DMD: variants seen among roughly 807,000 people sequenced by gnomAD.
DMD encodes the protein dystrophin, also known as mutant dystrophin.
In DMD, 63 loss-of-function variants were observed where a neutral mutation model predicts 330.1. The ratio of observed to expected loss-of-function variants is 0.19; its 90% CI spans 0.16 to 0.24. The LOEUF (loss-of-function observed/expected upper bound fraction) is 0.24, where lower values mean the gene tolerates loss of function less well. DMD is among the 10% of genes least tolerant of loss of function. The pLI is 1.00. For synonymous variants in DMD, 1,223 were observed against 959.8 expected (o/e 1.27, Z -5.07); for missense variants, 3,344 against 2,684.1 (o/e 1.25, Z -5.43).
chrX:32,156,779 C>G (rs999329760), intron 44 of DMD, among the ~76,000 whole-genome samples: 1 of 111,678 alleles, frequency 9.0e-6, no homozygotes, highest in Non-Finnish European at 1.9e-5. Context: ...GAGGACTTCT[C>G]AGTAACCCTA....
At chrX:32,254,848 A>G (rs1339714229) in intron 43 of DMD, among the ~76,000 whole-genome samples, 1 of 111,937 alleles carries the variant, frequency 8.9e-6, no homozygotes, top group Non-Finnish European at 1.9e-5. Flanking sequence ...CTGTGGGAAA[A>G]TATACAAAAT....
At chrX:31,704,440 C>T (rs191873300) in intron 52 of DMD, among the ~76,000 whole-genome samples, 54 of 111,356 alleles carry the variant, frequency 4.8e-4, no homozygotes, top group African/African-American at 1.3e-3. Context: ...GGGAAATTCT[C>T]CTGAAACAGA....
intron 74 of DMD, among the ~76,000 whole-genome samples, chrX:31,160,552 T>A (rs2038684699): frequency 8.9e-6 from 1 of 111,838 alleles, no homozygotes; most frequent in South Asian, 3.8e-4. Flanking sequence ...CCAAAGTGTG[T>A]TCCATATAAC....
At chrX:31,784,480 C>A (rs2091188757) in intron 50 of DMD, among the ~76,000 whole-genome samples, 1 of 111,721 alleles carries the variant, frequency 9.0e-6, no homozygotes, top group Non-Finnish European at 1.9e-5. Context: ...ATAATCCAGT[C>A]CTCAAAAAAT....
intron 7 of DMD, among the ~76,000 whole-genome samples, chrX:32,700,896 A>C (rs2064064049): frequency 8.9e-6 from 1 of 111,950 alleles, no homozygotes; most frequent in Non-Finnish European, 1.9e-5. Flanking sequence ...GTTAGCACAA[A>C]AGCAGGTTGA....
At chrX:32,548,948 T>A (rs2049252211) in intron 16 of DMD, among the ~76,000 whole-genome samples, 2 of 111,848 alleles carry the variant, frequency 1.8e-5, no homozygotes, top group Non-Finnish European at 3.8e-5. Context: ...TTCAACAATC[T>A]TTGTATCTAG....
At chrX:32,097,767 G>A (rs1402219905) in intron 44 of DMD, among the ~76,000 whole-genome samples, 2 of 111,868 alleles carry the variant, frequency 1.8e-5, no homozygotes, top group African/African-American at 6.5e-5. Context: ...AGTCTGTCAC[G>A]TAGGCATTTT....
At chrX:32,758,012 C>G (rs1050762476) in intron 7 of DMD, among the ~76,000 whole-genome samples, 6 of 111,675 alleles carry the variant, frequency 5.4e-5, no homozygotes, top group African/African-American at 1.6e-4. Flanking sequence ...TTTCTGAGGA[C>G]AGTTCTATAA....
At chrX:32,185,684 T>C (rs959013806) in intron 44 of DMD, among the ~76,000 whole-genome samples, 2 of 111,362 alleles carry the variant, frequency 1.8e-5, no homozygotes, top group African/African-American at 3.3e-5. Context: ...AAATCCTTTG[T>C]TCAAAAACGA....
At chrX:31,865,666 G>GCTTCCACACTTT (rs11275348) in intron 48 of DMD, among the ~76,000 whole-genome samples, 4,734 of 108,904 alleles carry the variant, frequency 0.043, 115 homozygotes, top group Non-Finnish European at 0.069. Flanking sequence ...ACCCACGAAA[G>GCTTCCACACTTT]CGTGGAAGCA....
At chrX:33,005,510 A>C (rs1295590751) in intron 2 of DMD, among the ~76,000 whole-genome samples, 1 of 108,727 alleles carries the variant, frequency 9.2e-6, no homozygotes, top group Non-Finnish European at 1.9e-5. Flanking sequence ...GGAAGAAGAC[A>C]GAAAACATGA....
intron 44 of DMD, among the ~76,000 whole-genome samples, chrX:32,215,220 C>A (rs2097108030): frequency 9.0e-6 from 1 of 111,301 alleles, no homozygotes; most frequent in African/African-American, 3.3e-5. Flanking sequence ...ATGAACATAA[C>A]ATCAGTGAGT....
chrX:33,155,635 C>T (rs2048474404), intron 1 of DMD, among the ~76,000 whole-genome samples: 2 of 110,883 alleles, frequency 1.8e-5, no homozygotes, highest in Non-Finnish European at 3.8e-5. Flanking sequence ...AATCCAGATG[C>T]TACCACAGGA....
intron 57 of DMD, among the ~76,000 whole-genome samples, chrX:31,496,388 A>C: frequency 8.9e-6 from 1 of 112,465 alleles, no homozygotes; most frequent in Non-Finnish European, 1.9e-5. Flanking sequence ...TGAAATATTA[A>C]CAATAAAATA....
chrX:31,787,718 G>A (rs887710918), intron 50 of DMD, among the ~76,000 whole-genome samples: 9 of 111,992 alleles, frequency 8.0e-5, no homozygotes, highest in East Asian at 2.8e-4. Flanking sequence ...GAGTTTTAAC[G>A]TTCTGGGTCA....
chrX:33,073,347 T>G (rs12387432), intron 1 of DMD, among the ~76,000 whole-genome samples: 4,296 of 111,997 alleles, frequency 0.038, 200 homozygotes, highest in African/African-American at 0.13. Flanking sequence ...AAAATACATT[T>G]TTCTCTGTCC....
chrX:32,691,556 G>T (rs1318569845), intron 9 of DMD, among the ~76,000 whole-genome samples: 1 of 111,230 alleles, frequency 9.0e-6, no homozygotes, highest in Non-Finnish European at 1.9e-5. Context: ...GTACACCGTT[G>T]GTGAAGTAAA....
At chrX:31,962,979 T>C (rs1267453409) in intron 45 of DMD, among the ~76,000 whole-genome samples, 1 of 112,050 alleles carries the variant, frequency 8.9e-6, no homozygotes, top group Non-Finnish European at 1.9e-5. Flanking sequence ...TCGCTTTTAA[T>C]TTGTAGGAAA....
intron 45 of DMD, among the ~76,000 whole-genome samples, chrX:31,953,924 C>G (rs930700684): frequency 9.0e-6 from 1 of 111,288 alleles, no homozygotes; most frequent in Non-Finnish European, 1.9e-5. Context: ...CATTTAGTTG[C>G]CAGGTTTATG....
Sources: allele counts gnomAD v4.1 joint callset (sites outside exome capture counted in the v4.1 genomes callset), GRCh38; gene constraint gnomAD v4.1.1; transcripts MANE v1.5; gene names NCBI Gene and HGNC (gene_info 2026-07-23, HGNC 2026-07-21).